Variants in ABI1 observed in about 807,000 individuals in gnomAD.
ABI1 encodes the protein abl interactor 1, also known as Abelson interactor 1.
A neutral mutation model predicts 54.6 loss-of-function variants in ABI1; 14 were observed. That is an observed-to-expected ratio of 0.26 (90% confidence interval 0.17 to 0.40). The LOEUF is 0.40. ABI1 is among the 10% of genes least tolerant of loss of function. The pLI, the probability that ABI1 is intolerant of heterozygous loss-of-function variation, is 1.00. For missense variants in ABI1, 443 were observed against 598.3 expected (o/e 0.74, Z 2.71); for synonymous variants, 194 against 209.3 (o/e 0.93, Z 0.63).
chr10:26,827,728 G>A (rs2048401294), intron 1 of ABI1, among the ~76,000 whole-genome samples: 1 of 152,104 alleles, frequency 6.6e-6, no homozygotes, highest in South Asian at 2.1e-4. Flanking sequence ...AAGTAGCTGG[G>A]ACTACAGGCA....
At chr10:26,771,315 C>T (rs1564476772) in intron 3 of ABI1, among the ~76,000 whole-genome samples, 2 of 152,188 alleles carry the variant, frequency 1.3e-5, no homozygotes, top group Non-Finnish European at 1.5e-5. Flanking sequence ...GAAACCACCA[C>T]TTAATTATTC....
chr10:26,756,541 A>G (rs1838332518), intron 8 of ABI1, among the ~76,000 whole-genome samples: 1 of 152,162 alleles, frequency 6.6e-6, no homozygotes. Context: ...TTAACAACTC[A>G]TTGGATAGCT....
Position 26,759,198 on chromosome 10 carries a change from C to T in ABI1, c.861G>A (p.Met287Ile), listed in dbSNP as rs1399785252. Reference sequence around the variant, plus strand: ...AGTTGTGTCGAGATATCTGCCTGGTCATTGTGCCATACTGGGAACCAGGAG... The same window carrying T: ...AGTTGTGTCGAGATATCTGCCTGGTTATTGTGCCATACTGGGAACCAGGAG... The part of the protein sequence containing the change: ...GSAPGSQYGT[M>I]TRQISRHNST... Residue 287 changes from methionine (M) to isoleucine (I), a missense_variant, in exon 8 of 11, where the codon ATG (methionine) becomes ATA (isoleucine). Around this residue, in one of 2 missense-constraint regions of ABI1, gnomAD observed 394 missense variants for 484.8 expected, o/e 0.81. Coordinates refer to ENST00000376140, the MANE Select transcript of ABI1 (RefSeq NM_001012750.3). 6.2e-7 allele frequency: 1 copy of T among 1,613,948 alleles called. No individual in the cohort carries two copies. The highest frequency in any genetic ancestry group is 1.3e-5 in the African/African-American group (1 of 74,908).
intron 1 of ABI1, chr10:26,839,874 C>A (rs2049364396): frequency 3.0e-6 from 2 of 658,164 alleles, no homozygotes; most frequent in South Asian, 3.4e-5. Context: ...CCTGTAGTCC[C>A]AACAACTTGG....
Position 26,811,290 on chromosome 10 carries a change from A to T in ABI1, c.285+11848T>A, listed in dbSNP as rs2047211955. ...TTTGTCACTCTAGCCCCCAAATAAGAATGTATGTGTTCTGTAGCATGTATT... is the reference window on the plus strand; with the variant it reads ...TTTGTCACTCTAGCCCCCAAATAAGTATGTATGTGTTCTGTAGCATGTATT... On this transcript the variant is annotated intron_variant, in intron 2 of 10. Transcript: ENST00000376140. 2.0e-5 allele frequency among the ~76,000 whole-genome samples: 3 copies of T among 152,116 alleles called. No individual in the cohort carries two copies. In the South Asian group the frequency reaches 6.2e-4, roughly 31 times the overall value.
At chr10:26,755,764 G>T in intron 8 of ABI1, 23 bp from the exon 9 acceptor site, 3 of 1,523,022 alleles carry the variant, frequency 2.0e-6, no homozygotes, top group Non-Finnish European at 2.7e-6. Context: ...ACACAGTATG[G>T]GGGAAGTAAA....
At chr10:26,848,172 A>AC (rs1201199432) in intron 1 of ABI1, among the ~76,000 whole-genome samples, 1 of 147,210 alleles carries the variant, frequency 6.8e-6, no homozygotes, top group African/African-American at 2.5e-5. Context: ...GCACTCCAGA[A>AC]CCTGGGCAAC....
intron 1 of ABI1, among the ~76,000 whole-genome samples, chr10:26,829,947 C>T (rs539310874): frequency 1.3e-5 from 2 of 152,150 alleles, no homozygotes; most frequent in African/African-American, 4.8e-5. Flanking sequence ...TGATAAAGAA[C>T]ATTTCCCTCA....
chr10:26,800,274 A>G (rs1458239963), intron 2 of ABI1, among the ~76,000 whole-genome samples: 1 of 152,088 alleles, frequency 6.6e-6, no homozygotes, highest in African/African-American at 2.4e-5. Context: ...AGTCACAGCT[A>G]CTCAAGAGGC....
At chr10:26,802,654 A>T (rs2046636941) in intron 2 of ABI1, among the ~76,000 whole-genome samples, 1 of 152,206 alleles carries the variant, frequency 6.6e-6, no homozygotes, top group South Asian at 2.1e-4. Flanking sequence ...AGTAGCGCTA[A>T]CAGCAGGAGC....
Position 26,751,635 on chromosome 10 carries a change from C to G in ABI1, c.1233G>C (p.Gly411=). The stretch of plus-strand genomic sequence containing the variant: ...AATTCTTGGGGGCCCAAGCAGGATC[C>G]CCATCTGCATATGGATCATTATACT... ...VVQYNDPYAD[G]DPAWAPKNYI... Residue 411 remains glycine (G), a synonymous_variant, in exon 10 of 11, where the codon GGG becomes GGC. Coordinates refer to ENST00000376140, the MANE Select transcript of ABI1 (RefSeq NM_001012750.3). The G allele has an allele frequency of 1.2e-6, 2 of 1,612,930 alleles. No individual in the cohort carries two copies. Among genetic ancestry groups the G allele is most frequent in the Non-Finnish European group, 1.7e-6 (2 of 1,179,570 alleles).
At chr10:26,854,540 A>T (rs1353683428) in intron 1 of ABI1, among the ~76,000 whole-genome samples, 3 of 152,200 alleles carry the variant, frequency 2.0e-5, no homozygotes, top group Non-Finnish European at 2.9e-5. Context: ...CCTTGACACA[A>T]CAGCATGAAT....
At chr10:26,820,361 G>GA (rs930238204) in intron 2 of ABI1, among the ~76,000 whole-genome samples, 129 of 149,552 alleles carry the variant, frequency 8.6e-4, no homozygotes, top group African/African-American at 2.6e-3. Flanking sequence ...GCTACTTAAT[G>GA]AAAAAAAAAT....
At chr10:26,842,083 C>T (rs533971460) in intron 1 of ABI1, among the ~76,000 whole-genome samples, 1 of 152,336 alleles carries the variant, frequency 6.6e-6, no homozygotes, top group South Asian at 2.1e-4. Context: ...TCCACACCCT[C>T]GCCAACATTT....
chr10:26,775,066 T>G (rs1395882831), intron 3 of ABI1, among the ~76,000 whole-genome samples: 1 of 152,094 alleles, frequency 6.6e-6, no homozygotes, highest in African/African-American at 2.4e-5. Flanking sequence ...AACACTAATT[T>G]TAAAATAAAC....
At position 26,757,836 on chromosome 10, in the gene ABI1, G is replaced by A. The variant is rs1588760634; in HGVS notation, c.997+1226C>T. 2.0e-5 allele frequency among the ~76,000 whole-genome samples: 3 copies of A among 152,098 alleles called. No individual in the cohort carries two copies. In the South Asian group the frequency reaches 6.2e-4, roughly 31 times the overall value. ...TAATCCCACCACTTTGGGAGGCTGA[G>A]GTGGGTGGATCACCTGAGATCAGGA... On this transcript the variant is annotated intron_variant, in intron 8 of 10. Coordinates refer to ENST00000376140, the MANE Select transcript of ABI1 (RefSeq NM_001012750.3).
chr10:26,775,905 T>A (rs985817062), intron 3 of ABI1, among the ~76,000 whole-genome samples: 1 of 152,188 alleles, frequency 6.6e-6, no homozygotes, highest in African/African-American at 2.4e-5. Flanking sequence ...TATACATACA[T>A]GCATGCATGA....
intron 2 of ABI1, among the ~76,000 whole-genome samples, chr10:26,821,024 C>T (rs1588979960): frequency 6.6e-6 from 1 of 151,878 alleles, no homozygotes. Flanking sequence ...AGGCAGATCA[C>T]TTGAGCCCAG....
chr10:26,772,736 T>A (rs990363038), intron 3 of ABI1, among the ~76,000 whole-genome samples: 2 of 152,094 alleles, frequency 1.3e-5, no homozygotes, highest in African/African-American at 4.8e-5. Context: ...TATTTAAATA[T>A]CCCCAAAATA....
Sources: gnomAD v4.1 joint callset for allele counts (sites outside exome capture counted in the v4.1 genomes callset) on GRCh38, gnomAD v4.1.1 for gene constraint, gnomAD v4.1.1 regional missense constraint, MANE v1.5 for transcripts, NCBI Gene and HGNC (gene_info 2026-07-23, HGNC 2026-07-21) for gene names.